The following PLXDC2 variants were observed in gnomAD, a reference collection of about 807,000 sequenced individuals.
The protein encoded by PLXDC2 is plexin domain containing 2.
Under a neutral mutation model 68.9 loss-of-function variants are expected in PLXDC2, and 40 were observed. The ratio of observed to expected loss-of-function variants is 0.58; its 90% confidence interval spans 0.45 to 0.76. PLXDC2 has a LOEUF of 0.76. Ranked by LOEUF, PLXDC2 falls within the 30% of genes least tolerant of loss-of-function variation. The pLI is 0.00. For missense variants in PLXDC2, 644 were observed against 661.9 expected (o/e 0.97, Z 0.30); for synonymous variants, 243 against 234.2 (o/e 1.04, Z -0.34).
intron 6 of PLXDC2, among the ~76,000 whole-genome samples, chr10:20,162,151 G>GAAAGAAA (rs2131812493): frequency 1.3e-5 from 2 of 150,174 alleles, no homozygotes; most frequent in South Asian, 4.2e-4. Context: ...AAAGAAAAAG[G>GAAAGAAA]AAGGAAGGAA....
At chr10:20,194,190 CTGTGTGTGTGTGTG>C (rs58142621) in intron 9 of PLXDC2, among the ~76,000 whole-genome samples, 2 of 143,650 alleles carry the variant, frequency 1.4e-5, no homozygotes, top group Non-Finnish European at 3.0e-5. Context: ...TTGAACTCAG[CTGTGTGTGTGTGTG>C]TGTGTGTGTG....
intron 2 of PLXDC2, among the ~76,000 whole-genome samples, chr10:20,036,093 T>C (rs1353226012): frequency 1.3e-5 from 2 of 152,182 alleles, no homozygotes. Flanking sequence ...CTGGGGCTTT[T>C]TTATAAATCC....
chr10:19,835,930 G>A (rs1489934730), intron 1 of PLXDC2, among the ~76,000 whole-genome samples: 1 of 152,116 alleles, frequency 6.6e-6, no homozygotes, highest in African/African-American at 2.4e-5. Context: ...TCAGCACTTT[G>A]GGGGGCTGAC....
At chr10:20,116,523 A>T (rs1833625072) in intron 4 of PLXDC2, among the ~76,000 whole-genome samples, 2 of 151,984 alleles carry the variant, frequency 1.3e-5, no homozygotes, top group Admixed American at 6.6e-5. Flanking sequence ...TTAATGCTTT[A>T]CTTTGGTTGG....
intron 4 of PLXDC2, among the ~76,000 whole-genome samples, chr10:20,128,004 A>G (rs1833815448): frequency 6.6e-6 from 1 of 152,220 alleles, no homozygotes; most frequent in Non-Finnish European, 1.5e-5. Flanking sequence ...CAAATGGGTT[A>G]TGTAGGCTCT....
chr10:19,884,727 C>T (rs1837809129), intron 1 of PLXDC2, among the ~76,000 whole-genome samples: 1 of 152,092 alleles, frequency 6.6e-6, no homozygotes, highest in Non-Finnish European at 1.5e-5. Context: ...GTATATGTGC[C>T]ACATTTTCTT....
At chr10:19,944,846 G>T (rs189159112) in intron 1 of PLXDC2, among the ~76,000 whole-genome samples, 160 of 152,304 alleles carry the variant, frequency 1.1e-3, no homozygotes, top group African/African-American at 3.7e-3. Context: ...CAGCCACTCG[G>T]GAGGCTGAGG....
rs1206602542 is a variant in PLXDC2, at chr10:20,286,639, G to A, written c.*6820G>A. On this transcript the variant is annotated 3_prime_UTR_variant, in exon 14 of 14. Transcript: ENST00000377252. Reference sequence around the variant, plus strand: ...TTTCATGGGGGAATTTTAGGGGAAAGTATAAACCTAAGAGTGAGTGAATGG... The same window carrying A: ...TTTCATGGGGGAATTTTAGGGGAAAATATAAACCTAAGAGTGAGTGAATGG... 1 of 152,112 alleles carries A rather than the reference G, an allele frequency of 6.6e-6. No individual in the cohort carries two copies. The highest frequency in any genetic ancestry group is 1.9e-4 in the East Asian group (1 of 5,188). 9.4% of individuals were successfully genotyped at this position (152,112 alleles called of 1,614,324 possible).
intron 12 of PLXDC2, among the ~76,000 whole-genome samples, chr10:20,233,074 A>G (rs974607782): frequency 6.6e-6 from 1 of 152,138 alleles, no homozygotes; most frequent in African/African-American, 2.4e-5. Flanking sequence ...GAAGGCATAA[A>G]ATTTAACATT....
intron 5 of PLXDC2, among the ~76,000 whole-genome samples, chr10:20,145,489 T>C (rs1834064244): frequency 6.6e-6 from 1 of 152,138 alleles, no homozygotes; most frequent in African/African-American, 2.4e-5. Flanking sequence ...AATCAGCAAA[T>C]GTTGAGAGAG....
chr10:20,220,864 C>G (rs1017431399), intron 12 of PLXDC2, among the ~76,000 whole-genome samples: 12 of 125,632 alleles, frequency 9.6e-5, no homozygotes, highest in African/African-American at 3.1e-4. Context: ...TTTTTGAGAC[C>G]GAGTTTCACT....
chr10:20,247,296 C>CAAA (rs77665495), intron 13 of PLXDC2, among the ~76,000 whole-genome samples: 2 of 96,518 alleles, frequency 2.1e-5, no homozygotes, highest in Non-Finnish European at 4.5e-5. Flanking sequence ...TTCATCTCTA[C>CAAA]AAAAAAAAAA....
intron 7 of PLXDC2, among the ~76,000 whole-genome samples, chr10:20,176,135 G>A (rs950043001): frequency 2.7e-4 from 41 of 152,214 alleles, no homozygotes; most frequent in African/African-American, 9.6e-4. Context: ...ATTTGCTAAT[G>A]ATTTTTAAAC....
intron 4 of PLXDC2, among the ~76,000 whole-genome samples, chr10:20,134,042 G>C (rs902576052): frequency 6.6e-6 from 1 of 152,122 alleles, no homozygotes; most frequent in African/African-American, 2.4e-5. Context: ...TTCAGTTCCA[G>C]AATTTCTGTT....
chr10:19,913,815 A>G (rs568980753), intron 1 of PLXDC2, among the ~76,000 whole-genome samples: 1 of 152,212 alleles, frequency 6.6e-6, no homozygotes, highest in East Asian at 1.9e-4. Context: ...ATCTTTTGTA[A>G]TATTACATTT....
chr10:19,821,299 G>C (rs73601612), intron 1 of PLXDC2, among the ~76,000 whole-genome samples: 3,847 of 152,076 alleles, frequency 0.025, 136 homozygotes, highest in African/African-American at 0.087. Flanking sequence ...TACCACTTCT[G>C]CCATTCCTCC....
intron 1 of PLXDC2, among the ~76,000 whole-genome samples, chr10:19,857,994 T>C (rs893321255): frequency 1.3e-5 from 2 of 152,206 alleles, no homozygotes; most frequent in South Asian, 2.1e-4. Context: ...TACATAAATA[T>C]GTTCTTGAAA....
chr10:20,078,974 T>A (rs914893941), intron 4 of PLXDC2, among the ~76,000 whole-genome samples: 2 of 152,056 alleles, frequency 1.3e-5, no homozygotes, highest in Non-Finnish European at 2.9e-5. Context: ...TATTTTATAA[T>A]CCTGAGATTG....
intron 2 of PLXDC2, among the ~76,000 whole-genome samples, chr10:20,018,711 CT>C (rs1022502619): frequency 1.3e-4 from 20 of 151,032 alleles, no homozygotes; most frequent in South Asian, 2.1e-4. Flanking sequence ...TTTTTTTCTT[CT>C]TTTTTTTTAA....
Sources: allele counts gnomAD v4.1 joint callset (sites outside exome capture counted in the v4.1 genomes callset), GRCh38; gene constraint gnomAD v4.1.1; transcripts MANE v1.5; gene names NCBI Gene and HGNC (gene_info 2026-07-23, HGNC 2026-07-21).